Variants in PDZRN3 observed in about 807,000 individuals in gnomAD.
The protein encoded by PDZRN3 is E3 ubiquitin-protein ligase PDZRN3.
A neutral mutation model predicts 85.7 loss-of-function variants in PDZRN3; 38 were observed. The observed-to-expected ratio is 0.44, with a 90% confidence interval of 0.34 to 0.58. PDZRN3 has a LOEUF of 0.58. PDZRN3 is among the 20% of genes least tolerant of loss of function. PDZRN3 has a pLI of 0.01. For synonymous variants in PDZRN3, 759 were observed against 638.0 expected (o/e 1.19, Z -2.86); for missense variants, 1,629 against 1,506.4 (o/e 1.08, Z -1.35).
chr3:73,397,311 CTTTAGTCCAATTCAA>C (rs1244833879), intron 5 of PDZRN3, among the ~76,000 whole-genome samples: 1 of 152,220 alleles, frequency 6.6e-6, no homozygotes, highest in Non-Finnish European at 1.5e-5. Flanking sequence ...AAGGCGCTGA[CTTTAGTCCAATTCAA>C]TTTAGATGAT....
At chr3:73,525,030 T>G (rs1206932463) in intron 3 of PDZRN3, among the ~76,000 whole-genome samples, 1 of 148,314 alleles carries the variant, frequency 6.7e-6, no homozygotes, top group Admixed American at 6.7e-5. Context: ...TTTATATAAA[T>G]AAAATTATAT....
At chr3:73,452,842 T>TGTGTGTGTGTGTGC (rs1702893762) in intron 3 of PDZRN3, among the ~76,000 whole-genome samples, 1 of 107,204 alleles carries the variant, frequency 9.3e-6, no homozygotes, top group Non-Finnish European at 2.5e-5. Flanking sequence ...CATATATCTG[T>TGTGTGTGTGTGTGC]GTGTGTGTGT....
chr3:73,587,803 C>T (rs370130938), intron 3 of PDZRN3, among the ~76,000 whole-genome samples: 10 of 152,144 alleles, frequency 6.6e-5, no homozygotes, highest in Admixed American at 2.6e-4. Context: ...GCCATTAAAA[C>T]GACCTTGAAT....
At chr3:73,384,987 C>G in intron 9 of PDZRN3, 57 bp from the exon 10 acceptor site, 1 of 1,528,736 alleles carries the variant, frequency 6.5e-7, no homozygotes, top group South Asian at 1.3e-5. Context: ...AGCAGGTACT[C>G]AGGTTTGACC....
At chr3:73,416,918 G>A (rs1169442237) in intron 3 of PDZRN3, among the ~76,000 whole-genome samples, 2 of 115,562 alleles carry the variant, frequency 1.7e-5, no homozygotes, top group African/African-American at 6.9e-5. Context: ...TTGAGACAGA[G>A]TCTCACTCCA....
rs139095129 is a variant in PDZRN3, at chr3:73,611,419, C to A, written c.724-2735G>T. 2.6e-5 allele frequency among the ~76,000 whole-genome samples: 4 copies of A among 152,356 alleles called. No homozygotes were observed. In the East Asian group the frequency reaches 7.7e-4, roughly 29 times the overall value. On this transcript the variant is annotated intron_variant, in intron 1 of 9. Transcript: ENST00000263666. ...GCATCTTGCAAAGAATGTTTCTGAA[C>A]AACTAAGCTGACCTTCTATGCTTTC...
At chr3:73,581,070 G>T (rs1392244105) in intron 3 of PDZRN3, among the ~76,000 whole-genome samples, 3 of 152,172 alleles carry the variant, frequency 2.0e-5, no homozygotes, top group Non-Finnish European at 4.4e-5. Flanking sequence ...TTACTCAAAT[G>T]TAAATTTCTA....
At chr3:73,492,889 A>G (rs2106664305) in intron 3 of PDZRN3, among the ~76,000 whole-genome samples, 1 of 152,260 alleles carries the variant, frequency 6.6e-6, no homozygotes, top group Non-Finnish European at 1.5e-5. Context: ...TATGTACCAC[A>G]TAAATATGTA....
chr3:73,446,056 T>C (rs1702742761), intron 3 of PDZRN3, among the ~76,000 whole-genome samples: 1 of 152,212 alleles, frequency 6.6e-6, no homozygotes, highest in Non-Finnish European at 1.5e-5. Context: ...TAAGCACAAG[T>C]GTGCTGGGTG....
chr3:73,599,394 C>T (rs1439618020), intron 3 of PDZRN3, among the ~76,000 whole-genome samples: 1 of 152,112 alleles, frequency 6.6e-6, no homozygotes, highest in Non-Finnish European at 1.5e-5. Flanking sequence ...TTCCTAGAGA[C>T]AGAAAGTGGA....
chr3:73,589,399 A>G (rs1389307401), intron 3 of PDZRN3, among the ~76,000 whole-genome samples: 2 of 152,192 alleles, frequency 1.3e-5, no homozygotes, highest in African/African-American at 4.8e-5. Flanking sequence ...AGCAACGAAC[A>G]CTTGTTATGG....
intron 3 of PDZRN3, among the ~76,000 whole-genome samples, chr3:73,462,510 C>G (rs1260600936): frequency 7.0e-6 from 1 of 142,580 alleles, no homozygotes; most frequent in East Asian, 2.1e-4. Context: ...CGCCACTGCA[C>G]TCCAGCTTGG....
intron 3 of PDZRN3, among the ~76,000 whole-genome samples, chr3:73,565,823 A>C (rs1015160035): frequency 9.4e-6 from 1 of 106,842 alleles, no homozygotes; most frequent in Non-Finnish European, 2.2e-5. Flanking sequence ...ACACACACAC[A>C]CACACACACA....
intron 3 of PDZRN3, among the ~76,000 whole-genome samples, chr3:73,520,438 A>G (rs1179313825): frequency 6.6e-6 from 1 of 152,152 alleles, no homozygotes; most frequent in Admixed American, 6.5e-5. Flanking sequence ...CGGGAAGCTA[A>G]GGCTGCAGTG....
chr3:73,408,389 TAGAAGAGAC>T (rs1346854272), intron 3 of PDZRN3: 13 of 590,346 alleles, frequency 2.2e-5, no homozygotes, highest in Non-Finnish European at 3.6e-5. Flanking sequence ...GATCCTGTAG[TAGAAGAGAC>T]ACATTTTCCC....
At chr3:73,553,660 A>G (rs952901264) in intron 3 of PDZRN3, among the ~76,000 whole-genome samples, 5 of 152,118 alleles carry the variant, frequency 3.3e-5, no homozygotes, top group Admixed American at 2.0e-4. Flanking sequence ...CAGACCCAGT[A>G]CTTGAACTCA....
chr3:73,467,269 G>A (rs1428018517), intron 3 of PDZRN3, among the ~76,000 whole-genome samples: 1 of 152,182 alleles, frequency 6.6e-6, no homozygotes, highest in African/African-American at 2.4e-5. Flanking sequence ...ATACCACCTG[G>A]TGACATATAA....
chr3:73,596,370 TGG>T (rs1702430353), intron 3 of PDZRN3, among the ~76,000 whole-genome samples: 2 of 152,178 alleles, frequency 1.3e-5, no homozygotes, highest in Non-Finnish European at 2.9e-5. Flanking sequence ...ACACAGTCAA[TGG>T]ATGATAAAAC....
Position 73,384,701 on chromosome 3 carries a change from T to C in PDZRN3, c.1865A>G (p.Asn622Ser), listed in dbSNP as rs1701320979. The C allele has an allele frequency of 6.2e-7, 1 of 1,614,074 alleles. No individual in the cohort carries two copies. ...TLGSGDLPFSNESFISADCTD... is the reference protein window; with the variant it reads ...TLGSGDLPFSSESFISADCTD... The stretch of plus-strand genomic sequence containing the variant: ...GCAGTCGGCCGAAATGAAAGACTCG[T>C]TGCTGAAGGGCAGGTCGCCGCTGCC... Residue 622 changes from asparagine (N) to serine (S), a missense_variant, in exon 10 of 10, where the codon AAC (asparagine) becomes AGC (serine). Asn to Ser is a conservative substitution (Grantham distance 46). Transcript: ENST00000263666.
Sources: allele counts gnomAD v4.1 joint callset (sites outside exome capture counted in the v4.1 genomes callset), GRCh38; gene constraint gnomAD v4.1.1; transcripts MANE v1.5; gene names NCBI Gene and HGNC (gene_info 2026-07-23, HGNC 2026-07-21).